The following PRKN variants were observed in gnomAD, a reference collection of about 807,000 sequenced individuals.
PRKN encodes E3 ubiquitin-protein ligase parkin.
A neutral mutation model predicts 59.5 loss-of-function variants in PRKN; 56 were observed. The ratio of observed to expected loss-of-function variants is 0.94; its 90% CI spans 0.76 to 1.18. The LOEUF is 1.18. Among genes scored for constraint, PRKN ranks in the 50% most tolerant of loss-of-function variants. The pLI is 0.00. For synonymous variants in PRKN, 250 were observed against 222.1 expected, an observed-to-expected ratio of 1.13 and a Z score of -1.12; for missense variants, 657 against 596.4, an observed-to-expected ratio of 1.10 and a Z score of -1.06.
At chr6:161,645,323 C>T (rs1783885375) in intron 7 of PRKN, among the ~76,000 whole-genome samples, 1 of 151,736 alleles carries the variant, frequency 6.6e-6, no homozygotes, top group African/African-American at 2.4e-5. Context: ...CCACAGATAC[C>T]ATTCAACTTG....
At chr6:161,567,682 T>A (rs1417085028) in intron 8 of PRKN, among the ~76,000 whole-genome samples, 1 of 152,176 alleles carries the variant, frequency 6.6e-6, no homozygotes, top group East Asian at 1.9e-4. Flanking sequence ...ATGGCTCAAT[T>A]AAATTTCTAG....
chr6:161,367,838 T>A (rs1434226423), intron 10 of PRKN, among the ~76,000 whole-genome samples: 1 of 152,182 alleles, frequency 6.6e-6, no homozygotes, highest in Non-Finnish European at 1.5e-5. Context: ...TCTGCCCACA[T>A]CACAGAATGT....
chr6:161,472,843 G>A (rs1197493436), intron 9 of PRKN, among the ~76,000 whole-genome samples: 3 of 152,028 alleles, frequency 2.0e-5, no homozygotes, highest in African/African-American at 7.3e-5. Flanking sequence ...CGGACAAAGA[G>A]CCTGAATAGA....
At position 162,105,471 on chromosome 6, in the gene PRKN, G is replaced by C. The variant is rs186265738; in HGVS notation, c.535-51297C>G. Among the ~76,000 whole-genome samples, 10 of 152,176 alleles carry C rather than the reference G, an allele frequency of 6.6e-5. No homozygotes were observed. In the South Asian group the frequency reaches 2.1e-3, roughly 32 times the overall value. On this transcript the variant is annotated intron_variant, in intron 4 of 11. Coordinates refer to ENST00000366898, the MANE Select transcript of PRKN (RefSeq NM_004562.3). Reference sequence around the variant, plus strand: ...GCCTAGAGTGCAATGGCGCGATTTCGGCTCACTGCAACCTCCACTTCCTGG... The same window carrying C: ...GCCTAGAGTGCAATGGCGCGATTTCCGCTCACTGCAACCTCCACTTCCTGG...
At position 161,388,634 on chromosome 6, in the gene PRKN, T is replaced by G. The variant is rs1786369879; in HGVS notation, c.1084-1757A>C. On this transcript the variant is annotated intron_variant, in intron 9 of 11. Coordinates refer to ENST00000366898, the MANE Select transcript of PRKN (RefSeq NM_004562.3). The surrounding 1 kb of genome is among the most constrained non-coding windows in gnomAD (Gnocchi z 4.3). The stretch of plus-strand genomic sequence containing the variant: ...CAGCCAGATGTGTTGAGTACTTGAC[T>G]CCTAGAATATGGTAGAAATGATGGT... 6.6e-6 allele frequency among the ~76,000 whole-genome samples: 1 copy of G among 152,222 alleles called. No individual in the cohort carries two copies. The highest frequency in any genetic ancestry group is 1.5e-5 in the Non-Finnish European group (1 of 68,038).
rs117665982 is a variant in PRKN at position 161,677,752 on chromosome 6, A to T, written c.871+108020T>A. Among the ~76,000 whole-genome samples, 250 of 152,346 alleles carry T rather than the reference A, an allele frequency of 1.6e-3. 7 individuals carry two copies. In the East Asian group the frequency reaches 0.03, roughly 18 times the overall value. ...CTCAGGACACTAAGTGGAGAAAGTGAGATGTTATTACCAAATCTCAAGCTT... is the reference window on the plus strand; with the variant it reads ...CTCAGGACACTAAGTGGAGAAAGTGTGATGTTATTACCAAATCTCAAGCTT... On this transcript the variant is annotated intron_variant, in intron 7 of 11. Coordinates refer to ENST00000366898, the MANE Select transcript of PRKN (RefSeq NM_004562.3).
At chr6:162,209,300 C>T (rs987255867) in intron 3 of PRKN, among the ~76,000 whole-genome samples, 1 of 152,180 alleles carries the variant, frequency 6.6e-6, no homozygotes, top group African/African-American at 2.4e-5. Context: ...TGAACAGACA[C>T]TTCTATGCAT....
rs777152996 is a variant in PRKN, at chr6:161,937,886, C to T, written c.734+35416G>A. Among the ~76,000 whole-genome samples, 12 of 152,168 alleles carry T rather than the reference C, an allele frequency of 7.9e-5. 1 individual carries two copies. Among genetic ancestry groups the T allele is most frequent in the South Asian group, 2.1e-4 (1 of 4,816 alleles). On this transcript the variant is annotated intron_variant, in intron 6 of 11. Coordinates refer to ENST00000366898, the MANE Select transcript of PRKN (RefSeq NM_004562.3). ...TAGACTCCACTTTTCTACAATCAAA[C>T]GAAACATTTCTAAATGATCCCTGAT...
intron 1 of PRKN, among the ~76,000 whole-genome samples, chr6:162,663,362 G>A (rs184400861): frequency 7.3e-5 from 11 of 151,278 alleles, no homozygotes; most frequent in Admixed American, 3.3e-4. Context: ...GTGGGGATGA[G>A]CACGTAAGGG....
intron 6 of PRKN, among the ~76,000 whole-genome samples, chr6:161,858,362 G>C (rs918462929): frequency 6.6e-6 from 1 of 152,108 alleles, no homozygotes; most frequent in East Asian, 1.9e-4. Context: ...TTTAACATTG[G>C]TTCTCCATTT....
Position 162,086,903 on chromosome 6 carries a change from T to C in PRKN, c.535-32729A>G, listed in dbSNP as rs142088654. ...AGGCTCACAGTTCGTATTTGTGGAA[T>C]GAAATTGCTGAAGAATTAATTATAC... On this transcript the variant is annotated intron_variant, in intron 4 of 11. Coordinates refer to ENST00000366898, the MANE Select transcript of PRKN (RefSeq NM_004562.3). Among the ~76,000 whole-genome samples, 15 of 152,330 alleles carry C rather than the reference T, an allele frequency of 9.8e-5. No homozygotes were observed. In the East Asian group the frequency reaches 2.9e-3, roughly 29 times the overall value.
intron 1 of PRKN, among the ~76,000 whole-genome samples, chr6:162,648,887 GTTGACT>G (rs576569846): frequency 2.5e-3 from 380 of 152,244 alleles, no homozygotes; most frequent in Non-Finnish European, 4.2e-3. Flanking sequence ...TCTGCAATCA[GTTGACT>G]TTAAGTAAAT....
At position 161,446,208 on chromosome 6, in the gene PRKN, A is replaced by T. The variant is rs1247305435; in HGVS notation, c.1084-59331T>A. Among the ~76,000 whole-genome samples, 1 of 152,072 alleles carries T rather than the reference A, an allele frequency of 6.6e-6. No homozygotes were observed. The highest frequency in any genetic ancestry group is 6.5e-5 in the Admixed American group (1 of 15,274). ...ACTCCAGCCTTGGCAACAGAGAGAG[A>T]TCTTATCTCAGAACAAAACAAAAAA... On this transcript the variant is annotated intron_variant, in intron 9 of 11. Coordinates refer to ENST00000366898, the MANE Select transcript of PRKN (RefSeq NM_004562.3). The surrounding 1 kb of genome is among the most constrained non-coding windows in gnomAD (Gnocchi z 6.2).
At chr6:161,832,740 G>A (rs1384447432) in intron 6 of PRKN, among the ~76,000 whole-genome samples, 1 of 151,728 alleles carries the variant, frequency 6.6e-6, no homozygotes, top group African/African-American at 2.4e-5. Context: ...ACAATGACAT[G>A]CGCCATCCTG....
At chr6:161,783,541 C>A (rs188451916) in intron 7 of PRKN, 215 of 458,526 alleles carry the variant, frequency 4.7e-4, no homozygotes, top group Non-Finnish European at 7.8e-4. Context: ...TGTTTGAAAT[C>A]GTCTAAAATA....
chr6:161,435,376 T>C (rs1192903877), intron 9 of PRKN, among the ~76,000 whole-genome samples: 1 of 152,172 alleles, frequency 6.6e-6, no homozygotes, highest in East Asian at 1.9e-4. Flanking sequence ...TAATCCCTAA[T>C]GCAAAGGGAT....
chr6:162,118,890 G>A (rs1780789006), intron 4 of PRKN, among the ~76,000 whole-genome samples: 1 of 152,162 alleles, frequency 6.6e-6, no homozygotes, highest in South Asian at 2.1e-4. Flanking sequence ...AGCACACATA[G>A]ACTTGCGTTT....
chr6:161,826,866 G>A (rs1792266481), intron 6 of PRKN, among the ~76,000 whole-genome samples: 1 of 152,206 alleles, frequency 6.6e-6, no homozygotes, highest in African/African-American at 2.4e-5. Context: ...CAAACAGGAA[G>A]ACTTATGTTC....
At chr6:162,392,569 G>T (rs1025920684) in intron 2 of PRKN, among the ~76,000 whole-genome samples, 1 of 152,156 alleles carries the variant, frequency 6.6e-6, no homozygotes, top group South Asian at 2.1e-4. Context: ...TTATGGAACT[G>T]TAATTTATTC....
Sources: allele counts gnomAD v4.1 joint callset (sites outside exome capture counted in the v4.1 genomes callset), GRCh38; gene constraint gnomAD v4.1.1; non-coding constraint Gnocchi (gnomAD v3.1); transcripts MANE v1.5; gene names NCBI Gene and HGNC (gene_info 2026-07-23, HGNC 2026-07-21).